Variants in FILIP1L observed in about 807,000 individuals in gnomAD.
The protein encoded by FILIP1L is filamin A interacting protein 1 like, also known as filamin A-interacting protein 1-like.
FILIP1L carries 55 observed loss-of-function variants against 96.6 expected under a neutral mutation model. That is an observed-to-expected ratio of 0.57 (90% CI 0.46 to 0.71). The LOEUF is 0.71. Among genes scored for constraint, FILIP1L ranks in the 30% least tolerant of loss-of-function variants. FILIP1L has a pLI of 0.00. For missense variants in FILIP1L, 1,304 were observed against 1,321.2 expected, an observed-to-expected ratio of 0.99 and a Z score of 0.20; for synonymous variants, 467 against 473.9, an observed-to-expected ratio of 0.99 and a Z score of 0.19.
rs989954929 is a variant in FILIP1L, at chr3:99,931,174, G to A, written c.-10-144C>T. On this transcript the variant is annotated intron_variant, in intron 1 of 5. Transcript: ENST00000477258. ...CTTTTTGATGTCTACAGCAGAGAAG[G>A]ATATTAGCAGATTCATAAATCACAG... 2.6e-5 allele frequency: 17 copies of A among 650,914 alleles called. No homozygotes were observed. In the Admixed American group the frequency reaches 2.9e-4, roughly 11 times the overall value. 40.3% of individuals were successfully genotyped at this position (650,914 alleles called of 1,614,324 possible). A position where few individuals can be genotyped will look rare whatever the true frequency, so the allele number is the denominator to read the frequency against.
intron 1 of FILIP1L, among the ~76,000 whole-genome samples, chr3:99,984,482 A>G (rs949367521): frequency 2.0e-5 from 3 of 152,182 alleles, no homozygotes; most frequent in Non-Finnish European, 4.4e-5. Flanking sequence ...AAATTCTATC[A>G]TTTGCATTAA....
At chr3:100,001,889 A>G (rs536520957) in intron 1 of FILIP1L, among the ~76,000 whole-genome samples, 26 of 152,220 alleles carry the variant, frequency 1.7e-4, no homozygotes, top group Non-Finnish European at 3.4e-4. Flanking sequence ...GCTGCTCAGC[A>G]TAGAAGGTCG....
At chr3:99,981,375 T>C (rs541304161) in intron 1 of FILIP1L, among the ~76,000 whole-genome samples, 1 of 152,314 alleles carries the variant, frequency 6.6e-6, no homozygotes, top group African/African-American at 2.4e-5. Flanking sequence ...CCATCTGGCT[T>C]CTGTGGGATC....
chr3:99,998,626 G>C (rs573468476), intron 1 of FILIP1L, among the ~76,000 whole-genome samples: 68 of 152,214 alleles, frequency 4.5e-4, no homozygotes, highest in African/African-American at 1.4e-3. Context: ...GCAGTGGTGC[G>C]ATCTCGGCTC....
chr3:100,074,697 TTTTTTTTTTTTTTTG>T (rs1276614134), intron 1 of FILIP1L, among the ~76,000 whole-genome samples: 1 of 113,378 alleles, frequency 8.8e-6, no homozygotes, highest in Non-Finnish European at 1.8e-5. Flanking sequence ...TTTTTTTTTT[TTTTTTTTTTTTTTTG>T]AGACGAAGTC....
chr3:99,879,328 C>T (rs1477242734), intron 4 of FILIP1L, among the ~76,000 whole-genome samples: 1 of 152,128 alleles, frequency 6.6e-6, no homozygotes, highest in Non-Finnish European at 1.5e-5. Flanking sequence ...CACCAGTTTC[C>T]CTGGTTCGAG....
chr3:100,041,074 T>A (rs2065197183), intron 1 of FILIP1L: 1 of 152,234 alleles, frequency 6.6e-6, no homozygotes, highest in Non-Finnish European at 1.5e-5. Context: ...TACATTTTCC[T>A]TAGACAGTTG....
intron 4 of FILIP1L, among the ~76,000 whole-genome samples, chr3:99,903,690 A>G (rs2107630194): frequency 6.6e-6 from 1 of 152,264 alleles, no homozygotes; most frequent in Non-Finnish European, 1.5e-5. Context: ...TTGCATCTTA[A>G]CAGGACCCTA....
At chr3:99,964,938 G>C (rs1272565951) in intron 1 of FILIP1L, among the ~76,000 whole-genome samples, 1 of 152,144 alleles carries the variant, frequency 6.6e-6, no homozygotes, top group African/African-American at 2.4e-5. Flanking sequence ...TTAAGACTCT[G>C]TATAAAAATT....
intron 5 of FILIP1L, among the ~76,000 whole-genome samples, chr3:99,846,890 A>G (rs1943388995): frequency 6.6e-6 from 1 of 152,232 alleles, no homozygotes. Context: ...GGAAATGGCA[A>G]TAAGCTACTT....
At chr3:100,065,975 C>T (rs2065656654) in intron 1 of FILIP1L, among the ~76,000 whole-genome samples, 1 of 152,210 alleles carries the variant, frequency 6.6e-6, no homozygotes, top group Non-Finnish European at 1.5e-5. Flanking sequence ...GAATCAGAAA[C>T]TCTGGGAATG....
intron 4 of FILIP1L, among the ~76,000 whole-genome samples, chr3:99,867,389 G>A (rs1350547785): frequency 6.6e-6 from 1 of 152,082 alleles, no homozygotes; most frequent in Non-Finnish European, 1.5e-5. Context: ...TTAAGAGAAG[G>A]CAAACTATCT....
At chr3:99,944,492 G>A (rs186900049) in intron 1 of FILIP1L, among the ~76,000 whole-genome samples, 1 of 152,182 alleles carries the variant, frequency 6.6e-6, no homozygotes, top group Admixed American at 6.5e-5. Flanking sequence ...TTTACTGTCT[G>A]CAGGCACAAT....
chr3:99,850,732 T>C lies in FILIP1L; in HGVS notation c.944A>G (p.Asn315Ser), dbSNP rs748276317. 11 of 1,614,116 alleles carry C rather than the reference T, an allele frequency of 6.8e-6. No homozygotes were observed. In the Admixed American group the frequency reaches 1.8e-4, roughly 27 times the overall value. ...AAGCTGGCGATTTTGACTGTCCTCATTGGTGAGCTTCGCCATAATTGTGTC... is the reference window on the plus strand; with the variant it reads ...AAGCTGGCGATTTTGACTGTCCTCACTGGTGAGCTTCGCCATAATTGTGTC... The part of the protein sequence containing the change: ...DQDTIMAKLT[N>S]EDSQNRQLQQ... Residue 315 changes from asparagine (N) to serine (S), a missense_variant, in exon 5 of 6, where the codon AAT (asparagine) becomes AGT (serine). Physicochemically the swap from Asn to Ser is conservative, Grantham distance 46. Coordinates refer to ENST00000477258, the MANE Select transcript of FILIP1L (RefSeq NM_001387850.1).
chr3:99,856,658 C>A lies in FILIP1L; in HGVS notation c.606-5588G>T, dbSNP rs567238054. On this transcript the variant is annotated intron_variant, in intron 4 of 5. Coordinates refer to ENST00000477258, the MANE Select transcript of FILIP1L (RefSeq NM_001387850.1). Reference sequence around the variant, plus strand: ...ACTATTATTATGTACAATACCAGTTCCTTATTTTTTCAAAAACATCACATC... The same window carrying A: ...ACTATTATTATGTACAATACCAGTTACTTATTTTTTCAAAAACATCACATC... 6.6e-5 allele frequency among the ~76,000 whole-genome samples: 10 copies of A among 152,278 alleles called. No homozygotes were observed. In the South Asian group the frequency reaches 1.7e-3, roughly 25 times the overall value.
chr3:99,874,164 C>T (rs543615438), intron 4 of FILIP1L: 6 of 152,046 alleles, frequency 3.9e-5, no homozygotes, highest in African/African-American at 1.4e-4. Flanking sequence ...TTTAAAAAAT[C>T]GATGCTTGCC....
intron 4 of FILIP1L, among the ~76,000 whole-genome samples, chr3:99,862,403 T>C (rs1944309135): frequency 6.6e-6 from 1 of 152,218 alleles, no homozygotes; most frequent in Non-Finnish European, 1.5e-5. Flanking sequence ...TATTGCGATC[T>C]ATTTTAAGGC....
rs1479038749 is a variant in FILIP1L at position 99,850,741 on chromosome 3, T to C, written c.935A>G (p.Lys312Arg). Residue 312 changes from lysine (K) to arginine (R), a missense_variant, in exon 5 of 6, where the codon AAG becomes AGG. Coordinates refer to ENST00000477258, the MANE Select transcript of FILIP1L (RefSeq NM_001387850.1). ...FHQDQDTIMA[K>R]LTNEDSQNRQ... ...ATTTTGACTGTCCTCATTGGTGAGC[T>C]TCGCCATAATTGTGTCTTGGTCTTG... 2 of 1,614,132 alleles carry C rather than the reference T, an allele frequency of 1.2e-6. No individual in the cohort carries two copies. The highest frequency in any genetic ancestry group is 1.7e-6 in the Non-Finnish European group (2 of 1,180,058).
intron 1 of FILIP1L, among the ~76,000 whole-genome samples, chr3:99,964,845 T>G (rs1413348981): frequency 6.6e-6 from 1 of 152,258 alleles, no homozygotes; most frequent in East Asian, 1.9e-4. Flanking sequence ...TCCCTGTAAC[T>G]GTGGAAAAAC....
Sources: gnomAD v4.1 joint callset for allele counts (sites outside exome capture counted in the v4.1 genomes callset) on GRCh38, gnomAD v4.1.1 for gene constraint, MANE v1.5 for transcripts, NCBI Gene and HGNC (gene_info 2026-07-23, HGNC 2026-07-21) for gene names.